TTN: variants seen among roughly 807,000 people sequenced by gnomAD.
The protein encoded by TTN is titin.
TTN carries 1,525 observed loss-of-function variants against 3,223.0 expected under a neutral mutation model. That is an observed-to-expected ratio of 0.47 (90% confidence interval 0.45 to 0.49). TTN has a LOEUF of 0.49. Among genes scored for constraint, TTN ranks in the 20% least tolerant of loss-of-function variants. The pLI is 0.00. For synonymous variants in TTN, 14,094 were observed against 15,161.0 expected, an observed-to-expected ratio of 0.93 and a Z score of 5.17; for missense variants, 40,786 against 43,424.0, an observed-to-expected ratio of 0.94 and a Z score of 5.40.
intron 134 of TTN, 103 bp from the exon 135 acceptor site, chr2:178,683,006 T>G (rs1169902176): frequency 8.4e-7 from 1 of 1,193,440 alleles, no homozygotes; most frequent in Non-Finnish European, 1.2e-6. Context: ...GTTTGTTTCA[T>G]GCACTGATTA....
In TTN at chr2:178,562,844, A is replaced by G. The variant is rs1161650945; in HGVS notation, c.83288T>C (p.Val27763Ala). ...GSKTAFVNVR[V>A]LDSPSAPVNL... ...CACAGGGGCACTTGGTGAGTCAAGA[A>G]CTCTGACGTTAACAAAAGCTGTTTT... The change falls in exon 326 of 363, where the codon GTT (valine) becomes GCT (alanine). Residue 27763 changes from valine to alanine, a missense_variant. Val to Ala is a moderately conservative substitution (Grantham distance 64). Coordinates refer to ENST00000589042, the MANE Select transcript of TTN (RefSeq NM_001267550.2). 6.2e-7 allele frequency: 1 copy of G among 1,612,988 alleles called. No individual in the cohort carries two copies. Among genetic ancestry groups the G allele is most frequent in the South Asian group, 1.1e-5 (1 of 91,032 alleles).
Position 178,618,726 on chromosome 2 carries a change from T to C in TTN, c.46824A>G (p.Leu15608=). The change falls in exon 251 of 363, where the codon TTA becomes TTG. Residue 15608 remains leucine, a synonymous_variant. Transcript: ENST00000589042. ...CCGTAGTATCAATGGTTTTTGTAGATAAAGGTTCATTTTCTTTAAACCATT... is the reference window on the plus strand; with the variant it reads ...CCGTAGTATCAATGGTTTTTGTAGACAAAGGTTCATTTTCTTTAAACCATT... ...EAEWFKENEP[L]STKTIDTTAE... is the part of the protein sequence containing the mutation. 6.2e-7 allele frequency: 1 copy of C among 1,612,002 alleles called. No individual in the cohort carries two copies. Among genetic ancestry groups the C allele is most frequent in the Non-Finnish European group, 8.5e-7 (1 of 1,178,858 alleles).
chr2:178,608,899 C>A lies in TTN; in HGVS notation c.52112G>T (p.Gly17371Val). ...PCTVSVLDTP[G>V]PPINFVFEDI... Reference sequence around the variant, plus strand: ...TTCAAATACAAAGTTGATTGGTGGTCCCGGTGTATCTAATATTTCAGAAGA... The same window carrying A: ...TTCAAATACAAAGTTGATTGGTGGTACCGGTGTATCTAATATTTCAGAAGA... Residue 17371 changes from glycine (G) to valine (V), a missense_variant, in exon 274 of 363, where the codon GGA (glycine) becomes GTA (valine). Gly to Val is a moderately radical substitution (Grantham distance 109). Transcript: ENST00000589042. 4 of 1,608,008 alleles carry A rather than the reference C, an allele frequency of 2.5e-6. No individual in the cohort carries two copies. The highest frequency in any genetic ancestry group is 3.4e-6 in the Non-Finnish European group (4 of 1,178,876).
rs753017013 is a variant in TTN at position 178,565,835 on chromosome 2, C to G, written c.80297G>C (p.Gly26766Ala). 1 of 1,613,642 alleles carries G rather than the reference C, an allele frequency of 6.2e-7. No individual in the cohort carries two copies. The highest frequency in any genetic ancestry group is 2.2e-5 in the East Asian group (1 of 44,854). The change falls in exon 326 of 363, where the codon GGT becomes GCT. Residue 26766 changes from glycine (G) to alanine (A), a missense_variant. Transcript: ENST00000589042. ...GGCATCAACAGTTTCCACTGGAACA[C>G]CAACTCCAAATTCATTTTCAGCCAT... ...RVMAENEFGV[G>A]VPVETVDAVK...
chr2:178,544,261 C>T lies in TTN; in HGVS notation c.95968G>A (p.Val31990Met), dbSNP rs727503541. ...TCGCTGTATTCGCTCATACCCTTCACGTTCACGGCAGCAACTCTGAAGGAA... is the reference window on the plus strand; with the variant it reads ...TCGCTGTATTCGCTCATACCCTTCATGTTCACGGCAGCAACTCTGAAGGAA... ...KYSFRVAAVN[V>M]KGMSEYSESI... The change falls in exon 345 of 363, where the codon GTG becomes ATG. Residue 31990 changes from valine to methionine, a missense_variant. Transcript: ENST00000589042. 4.0e-5 allele frequency: 65 copies of T among 1,613,690 alleles called. No individual in the cohort carries two copies. In the East Asian group the frequency reaches 6.0e-4, roughly 15 times the overall value.
rs1338535777 is a variant in TTN, at chr2:178,561,826, C to T, written c.84306G>A (p.Trp28102Ter). Residue 28102 changes from tryptophan to a stop codon, truncating the protein, a stop_gained, in exon 326 of 363, where the codon TGG becomes TGA. Transcript: ENST00000589042. LOFTEE classifies it high-confidence loss of function. ...TTGCAACTGCTTGTGAAACTATGTG[C>T]CATGTTGTAGAGGTGGTTTCTTTCT... ...VEKKETTSTT[W>*]HIVSQAVART... 6.2e-7 allele frequency: 1 copy of T among 1,613,526 alleles called. No homozygotes were observed. Among genetic ancestry groups the T allele is most frequent in the Non-Finnish European group, 8.5e-7 (1 of 1,179,748 alleles).
rs62621236 is a variant in TTN, at chr2:178,543,986, A to G, written c.96158T>C (p.Ile32053Thr). 0.055 allele frequency: 87,946 copies of G among 1,613,566 alleles called. 4,636 individuals are homozygous for G. The highest frequency in any genetic ancestry group is 0.19 in the Admixed American group (11,475 of 59,982). ...PPVITWSKQGIDLASRAIIDT... is the reference protein window; with the variant it reads ...PPVITWSKQGTDLASRAIIDT... ...AATAATTGCCCGGCTTGCAAGGTCA[A>G]TGCCCTGCTTGCTCCACGTTATGAC... Residue 32053 changes from isoleucine (I) to threonine (T), a missense_variant, in exon 346 of 363, where the codon ATT becomes ACT. Ile to Thr is a moderately conservative substitution (Grantham distance 89). Transcript: ENST00000589042.
chr2:178,617,979 G>A lies in TTN; in HGVS notation c.47372C>T (p.Thr15791Ile), dbSNP rs540588062. ...PPEYDGGAEI[T>I]NYVIELRDKT... ...GTCTCTTAATTCAATGACGTAGTTTGTGATCTCAGCACCTCCATCATACTC... is the reference window on the plus strand; with the variant it reads ...GTCTCTTAATTCAATGACGTAGTTTATGATCTCAGCACCTCCATCATACTC... The change falls in exon 253 of 363, where the codon ACA becomes ATA. Residue 15791 changes from threonine (T) to isoleucine (I), a missense_variant. Coordinates refer to ENST00000589042, the MANE Select transcript of TTN (RefSeq NM_001267550.2). 12 of 1,612,616 alleles carry A rather than the reference G, an allele frequency of 7.4e-6. No homozygotes were observed. In the South Asian group the frequency reaches 9.9e-5, roughly 13 times the overall value.
chr2:178,764,889 G>T (rs1477147349), intron 41 of TTN, 78 bp from the exon 42 acceptor site: 3 of 1,563,050 alleles, frequency 1.9e-6, no homozygotes, highest in Non-Finnish European at 2.6e-6. Flanking sequence ...ACATTAATTT[G>T]TTGCTGGCTA....
Position 178,764,764 on chromosome 2 carries a change from G to A in TTN, c.9751C>T (p.Gln3251Ter). ...CAGAAGCGGGCAGGCTTGCCAGACT[G>A]CACAGTGACAGGCTGGAGCTCCTGC... The part of the protein sequence containing the change: ...VLQELQPVTV[Q>*]SGKPARFCAV... Residue 3251 changes from glutamine to a stop codon, truncating the protein, a stop_gained, in exon 42 of 363, where the codon CAG (glutamine) becomes TAG (stop). Transcript: ENST00000589042. LOFTEE classifies it high-confidence loss of function. The A allele has an allele frequency of 3.7e-6, 6 of 1,613,900 alleles. No homozygotes were observed. Among genetic ancestry groups the A allele is most frequent in the Non-Finnish European group, 5.1e-6 (6 of 1,179,956 alleles).
At chr2:178,716,030 C>T (rs2077431212) in intron 88 of TTN, among the ~76,000 whole-genome samples, 1 of 152,088 alleles carries the variant, frequency 6.6e-6, no homozygotes, top group Non-Finnish European at 1.5e-5. Flanking sequence ...TTGTGCCATC[C>T]TCTCCCCAGC....
rs61216469 is a variant in TTN at position 178,637,146 on chromosome 2, GATATATATATATATATATATATAT to G, written c.40927+199_40927+222del. Among the ~76,000 whole-genome samples the G allele has an allele frequency of 1.0e-3, 51 of 49,192 alleles. 2 individuals carry two copies. The highest frequency in any genetic ancestry group is 2.0e-3 in the South Asian group (2 of 1,018). The allele number at this position is 49,192 out of a possible 152,430, so 32.3% of individuals were successfully genotyped here. The stretch of plus-strand genomic sequence containing the variant: ...GATTCACTATGCTAAAATATAGTTG[GATATATATATATATATATATATAT>G]ATATATATATATATATATATCTCCT... On this transcript the variant is annotated intron_variant, in intron 224 of 362. Coordinates refer to ENST00000589042, the MANE Select transcript of TTN (RefSeq NM_001267550.2).
rs2092336041 is a variant in TTN at position 178,777,307 on chromosome 2, A to G, written c.4656T>C (p.His1552=). ...TTTCTACAAACATCGGTTTTACCTG[A>G]TGTTCCACAGCTGAAAGAGAAAGGT... ...SVILTVEAVE[H]QVKPMFVEKL... Residue 1552 remains histidine (H), a synonymous_variant, in exon 27 of 363, where the codon CAT becomes CAC. Coordinates refer to ENST00000589042, the MANE Select transcript of TTN (RefSeq NM_001267550.2). The G allele has an allele frequency of 1.2e-6, 2 of 1,613,756 alleles. No homozygotes were observed. Among genetic ancestry groups the G allele is most frequent in the African/African-American group, 1.3e-5 (1 of 74,932 alleles).
Position 178,571,560 on chromosome 2 carries a change from T to C in TTN, c.74572A>G (p.Ile24858Val), listed in dbSNP as rs1191685615. 1.2e-6 allele frequency: 2 copies of C among 1,613,276 alleles called. No individual in the cohort carries two copies. The highest frequency in any genetic ancestry group is 2.2e-5 in the South Asian group (2 of 91,066). ...GTCCTTGCAACTGTAGCTGATACAA[T>C]TTGCCAGGTGGTTGTGGAAGTGTCC... is the stretch of plus-strand genomic sequence containing the variant. ...KRDTSTTTWQ[I>V]VSATVARTTI... The change falls in exon 326 of 363, where the codon ATT becomes GTT. Residue 24858 changes from isoleucine (I) to valine (V), a missense_variant. Ile to Val is a conservative substitution (Grantham distance 29). Coordinates refer to ENST00000589042, the MANE Select transcript of TTN (RefSeq NM_001267550.2).
rs397517830 is a variant in TTN, at chr2:178,741,025, C to T, written c.12208G>A (p.Glu4070Lys). The T allele has an allele frequency of 6.2e-6, 10 of 1,613,778 alleles. No homozygotes were observed. The highest frequency in any genetic ancestry group is 7.6e-6 in the Non-Finnish European group (9 of 1,179,826). The change falls in exon 48 of 363, where the codon GAA becomes AAA. Residue 4070 changes from glutamate (E) to lysine (K), a missense_variant. Glu to Lys is a moderately conservative substitution (Grantham distance 56). Transcript: ENST00000589042. ...GTGTCTTTTACAAACGTTGCAATTT[C>T]CTGCTCTGAGTCAAGTGCTTCAACT... is the stretch of plus-strand genomic sequence containing the variant. Reference protein sequence around the residue: ...PAVEALDSEQEIATFVKDTIL... With the variant: ...PAVEALDSEQKIATFVKDTIL...
intron 47 of TTN, chr2:178,747,969 C>A: frequency 6.2e-7 from 1 of 1,613,040 alleles, no homozygotes; most frequent in Non-Finnish European, 8.5e-7. Flanking sequence ...CCTCTGTGGT[C>A]TTCCAAAGTG....
rs532524136 is a variant in TTN, at chr2:178,804,479, T to C, written c.91+73A>G. On this transcript the variant is annotated intron_variant, in intron 2 of 362. Coordinates refer to ENST00000589042, the MANE Select transcript of TTN (RefSeq NM_001267550.2). ...AGCAGGGCTTAAACTTGGCGTCAAGTCCTGCAGCAACGTTAACTTACTGGA... is the reference window on the plus strand; with the variant it reads ...AGCAGGGCTTAAACTTGGCGTCAAGCCCTGCAGCAACGTTAACTTACTGGA... The C allele has an allele frequency of 1.8e-5, 26 of 1,456,920 alleles. No individual in the cohort carries two copies. The African/African-American group carries it at 3.2e-4, about 18-fold the overall frequency. 90.2% of individuals were successfully genotyped at this position (1,456,920 alleles called of 1,614,324 possible). A position where few individuals can be genotyped will look rare whatever the true frequency, so the allele number is the denominator to read the frequency against.
At position 178,640,063 on chromosome 2, in the gene TTN, G is replaced by A; in HGVS notation, c.40771C>T (p.Pro13591Ser). The change falls in exon 222 of 363, where the codon CCA (proline) becomes TCA (serine). Residue 13591 changes from proline to serine, a missense_variant. Coordinates refer to ENST00000589042, the MANE Select transcript of TTN (RefSeq NM_001267550.2). ...GCTTGCTCACCTGCTTCGGGCTTTG[G>A]TTTCGGTTCAGGTGCAGGGAGAGGT... Reference protein sequence around the residue: ...AIPLPAPEPKPKPEAEVKTIK... With the variant: ...AIPLPAPEPKSKPEAEVKTIK... 2 of 1,612,194 alleles carry A rather than the reference G, an allele frequency of 1.2e-6. No homozygotes were observed. The highest frequency in any genetic ancestry group is 1.1e-5 in the South Asian group (1 of 90,964).
rs767032963 is a variant in TTN, at chr2:178,667,484, A to G, written c.35671T>C (p.Tyr11891His). 1 of 1,599,602 alleles carries G rather than the reference A, an allele frequency of 6.3e-7. No homozygotes were observed. Among genetic ancestry groups the G allele is most frequent in the Non-Finnish European group, 8.5e-7 (1 of 1,179,036 alleles). ...PKKVVPEDKI[Y>H]VTIPKKRETP... ...TCTCTCTTTTTAGGAATAGTCACAT[A>G]TATTTTGTCTTCTGGAACAACTTTC... The change falls in exon 161 of 363, where the codon TAT becomes CAT. Residue 11891 changes from tyrosine to histidine, a missense_variant. Physicochemically the swap from Tyr to His is moderately conservative, Grantham distance 83. Transcript: ENST00000589042.
Sources: allele counts gnomAD v4.1 joint callset (sites outside exome capture counted in the v4.1 genomes callset), GRCh38; gene constraint gnomAD v4.1.1; transcripts MANE v1.5; gene names NCBI Gene and HGNC (gene_info 2026-07-23, HGNC 2026-07-21).